Variants in LPP observed in about 807,000 individuals in gnomAD.
The protein encoded by LPP is LIM domain containing preferred translocation partner in lipoma, also known as lipoma-preferred partner.
A neutral mutation model predicts 60.4 loss-of-function variants in LPP; 38 were observed. The observed-to-expected ratio is 0.63, with a 90% CI of 0.49 to 0.83. The LOEUF (loss-of-function observed/expected upper bound fraction) is 0.83. Among genes scored for constraint, LPP ranks in the 40% least tolerant of loss-of-function variants. The probability of loss-of-function intolerance (pLI) is 0.00; values close to 1 mark genes in which losing one functional copy is unlikely to be tolerated. For missense variants in LPP, 902 were observed against 783.6 expected (o/e 1.15, Z -1.80); for synonymous variants, 328 against 290.8 (o/e 1.13, Z -1.30).
chr3:188,271,887 A>G (rs1248404547), intron 2 of LPP, among the ~76,000 whole-genome samples: 3 of 152,180 alleles, frequency 2.0e-5, no homozygotes, highest in Non-Finnish European at 4.4e-5. Context: ...CGAGAAGGCC[A>G]TAGTGGTTTA....
At chr3:188,316,833 C>T (rs1755235501) in intron 2 of LPP, among the ~76,000 whole-genome samples, 1 of 152,172 alleles carries the variant, frequency 6.6e-6, no homozygotes, top group Non-Finnish European at 1.5e-5. Flanking sequence ...ACAAACACTC[C>T]GCCTTTCTGT....
At chr3:188,370,628 C>T (rs1020278006) in intron 3 of LPP, among the ~76,000 whole-genome samples, 12 of 152,060 alleles carry the variant, frequency 7.9e-5, no homozygotes, top group South Asian at 2.1e-4. Context: ...ATTTGTTTTC[C>T]GTCCATCCTT....
intron 7 of LPP, among the ~76,000 whole-genome samples, chr3:188,628,728 G>A (rs1384677278): frequency 1.3e-5 from 2 of 152,118 alleles, no homozygotes; most frequent in Non-Finnish European, 2.9e-5. Flanking sequence ...TCGAGGAGGA[G>A]GGACTCCTCC....
chr3:188,856,125 AC>A (rs1333672245), intron 9 of LPP, among the ~76,000 whole-genome samples: 6 of 152,144 alleles, frequency 3.9e-5, no homozygotes, highest in Non-Finnish European at 7.4e-5. Context: ...AAGAAAATGG[AC>A]CTTGCCAAGT....
At position 188,352,898 on chromosome 3, in the gene LPP, C is replaced by T. The variant is rs1372148459; in HGVS notation, c.-10+11179C>T. 6.6e-6 allele frequency among the ~76,000 whole-genome samples: 1 copy of T among 152,206 alleles called. No homozygotes were observed. The highest frequency in any genetic ancestry group is 1.5e-5 in the Non-Finnish European group (1 of 68,034). Reference sequence around the variant, plus strand: ...GAGTAAATGGCCAAGGTGCCACTAACATGTCCATCCACAGAAACTTTTCTG... The same window carrying T: ...GAGTAAATGGCCAAGGTGCCACTAATATGTCCATCCACAGAAACTTTTCTG... On this transcript the variant is annotated intron_variant, in intron 3 of 11. Transcript: ENST00000617246. This position sits in a 1 kb window ranked among gnomAD's most constrained non-coding sequence, Gnocchi z 4.4.
At chr3:188,559,743 T>C (rs1830260178) in intron 6 of LPP, among the ~76,000 whole-genome samples, 1 of 152,104 alleles carries the variant, frequency 6.6e-6, no homozygotes, top group Non-Finnish European at 1.5e-5. Flanking sequence ...ATGGGAAATA[T>C]GTTTACTTTT....
chr3:188,783,885 T>C (rs1453295556), intron 9 of LPP, among the ~76,000 whole-genome samples: 1 of 45,408 alleles, frequency 2.2e-5, no homozygotes, highest in African/African-American at 1.0e-4. Flanking sequence ...CTTACAAAAC[T>C]GTCCCTCCCA....
At chr3:188,496,890 T>C (rs1159527079) in intron 5 of LPP, among the ~76,000 whole-genome samples, 1 of 152,200 alleles carries the variant, frequency 6.6e-6, no homozygotes. Flanking sequence ...GTTTTCATAA[T>C]TTTTAGTTAG....
intron 3 of LPP, among the ~76,000 whole-genome samples, chr3:188,399,172 C>T (rs562344173): frequency 3.2e-4 from 48 of 152,182 alleles, no homozygotes; most frequent in Admixed American, 2.0e-3. Flanking sequence ...GGGCTCATGG[C>T]GGAGCCAAGA....
At chr3:188,773,331 A>AAGTATTATGT (rs1269168406) in intron 9 of LPP, among the ~76,000 whole-genome samples, 3 of 151,602 alleles carry the variant, frequency 2.0e-5, no homozygotes, top group Non-Finnish European at 4.4e-5. Flanking sequence ...TCACAAGGAC[A>AAGTATTATGT]AGGGCCTGGT....
chr3:188,555,267 G>A (rs1280376321), intron 6 of LPP, among the ~76,000 whole-genome samples: 1 of 151,986 alleles, frequency 6.6e-6, no homozygotes, highest in Non-Finnish European at 1.5e-5. Flanking sequence ...GAGGTAGCAG[G>A]GGCCCTCATG....
intron 5 of LPP, among the ~76,000 whole-genome samples, chr3:188,499,290 G>A (rs1387674722): frequency 1.3e-5 from 2 of 152,006 alleles, no homozygotes; most frequent in East Asian, 1.9e-4. Context: ...GATCCATTTC[G>A]AGTTAACTTT....
At chr3:188,819,108 A>C (rs1490059466) in intron 9 of LPP, among the ~76,000 whole-genome samples, 1 of 150,124 alleles carries the variant, frequency 6.7e-6, no homozygotes, top group East Asian at 2.0e-4. Context: ...CCTGTATGAC[A>C]GTATTTGATT....
chr3:188,751,507 G>T (rs1368600301), intron 8 of LPP, among the ~76,000 whole-genome samples: 1 of 152,200 alleles, frequency 6.6e-6, no homozygotes, highest in Admixed American at 6.5e-5. Context: ...TTGGCCAAAA[G>T]AAATACTACT....
intron 9 of LPP, among the ~76,000 whole-genome samples, chr3:188,800,134 C>CCCTT (rs955832085): frequency 1.3e-5 from 2 of 148,152 alleles, no homozygotes; most frequent in Non-Finnish European, 3.0e-5. Context: ...AACCGTAACT[C>CCCTT]CCTTAGTCAT....
chr3:188,284,765 C>G (rs1436463773), intron 2 of LPP, among the ~76,000 whole-genome samples: 1 of 152,238 alleles, frequency 6.6e-6, no homozygotes, highest in Admixed American at 6.5e-5. Flanking sequence ...CTGCGAGAGA[C>G]AAAAACGGGC....
chr3:188,243,270 T>C (rs914208841), intron 2 of LPP, among the ~76,000 whole-genome samples: 1 of 152,174 alleles, frequency 6.6e-6, no homozygotes, highest in African/African-American at 2.4e-5. Context: ...TGAGAACCGA[T>C]TTAAAACTGT....
At chr3:188,296,717 A>G (rs1392267941) in intron 2 of LPP, among the ~76,000 whole-genome samples, 1 of 152,130 alleles carries the variant, frequency 6.6e-6, no homozygotes, top group Admixed American at 6.5e-5. Context: ...AATGAAATTT[A>G]CCCTCTTCCT....
At chr3:188,399,362 TAA>T (rs61271708) in intron 3 of LPP, among the ~76,000 whole-genome samples, 1 of 148,704 alleles carries the variant, frequency 6.7e-6, no homozygotes, top group Non-Finnish European at 1.5e-5. Context: ...AGAGAATGTT[TAA>T]AAAAAAAAAA....
Sources: allele counts gnomAD v4.1 joint callset (sites outside exome capture counted in the v4.1 genomes callset), GRCh38; gene constraint gnomAD v4.1.1; non-coding constraint Gnocchi (gnomAD v3.1); transcripts MANE v1.5; gene names NCBI Gene and HGNC (gene_info 2026-07-23, HGNC 2026-07-21).